ERI1: variants seen among roughly 807,000 people sequenced by gnomAD.
ERI1 encodes exoribonuclease 1.
A neutral mutation model predicts 39.7 loss-of-function variants in ERI1; 39 were observed. The ratio of observed to expected loss-of-function variants is 0.98; its 90% CI spans 0.76 to 1.28. ERI1 has a LOEUF of 1.28. Ranked by LOEUF, ERI1 falls within the 50% of genes most tolerant of loss-of-function variation. ERI1 has a pLI of 0.00. For missense variants in ERI1, 581 were observed against 416.9 expected, an observed-to-expected ratio of 1.39 and a Z score of -3.43; for synonymous variants, 204 against 149.6, an observed-to-expected ratio of 1.36 and a Z score of -2.65.
chr8:9,067,192 C>T (rs543298136), intron 3 of ERI1, among the ~76,000 whole-genome samples: 1 of 152,180 alleles, frequency 6.6e-6, no homozygotes, highest in African/African-American at 2.4e-5. Flanking sequence ...GATTTAGCTG[C>T]AGGGTACGTC....
chr8:9,017,071 A>C (rs1189150206), intron 4 of ERI1, among the ~76,000 whole-genome samples: 1 of 151,472 alleles, frequency 6.6e-6, no homozygotes, highest in Admixed American at 6.6e-5. Context: ...ATGGAGTCTC[A>C]CTCTGTTGCC....
At chr8:9,009,221 A>C (rs1427954626) in intron 2 of ERI1, 1 of 355,168 alleles carries the variant, frequency 2.8e-6, no homozygotes, top group East Asian at 7.7e-5. Flanking sequence ...GTAAATACAG[A>C]TATGTTCCCC....
rs139689897 is a variant in ERI1 at position 9,065,286 on chromosome 8, A to G, written n.299+44822A>G. Among the ~76,000 whole-genome samples the G allele has an allele frequency of 8.0e-4, 122 of 152,266 alleles. 2 individuals are homozygous for G. In the East Asian group the frequency reaches 0.022, roughly 27 times the overall value. On this transcript the variant is annotated intron_variant and non_coding_transcript_variant, in intron 3 of 3. Coordinates refer to the ERI1 transcript ENST00000518663. ...TGTTTAGTTGTTTTTGCTTCTTTCT[A>G]CGAGGTTTCTTTTGTTCTTTGAGGT...
At chr8:9,024,976 A>C (rs1011659804) in intron 6 of ERI1, among the ~76,000 whole-genome samples, 2 of 152,194 alleles carry the variant, frequency 1.3e-5, no homozygotes, top group Non-Finnish European at 2.9e-5. Context: ...TAGAAAGTTG[A>C]AAGTGCAGTG....
intron 3 of ERI1, among the ~76,000 whole-genome samples, chr8:9,059,412 G>A (rs551261341): frequency 2.0e-5 from 3 of 152,046 alleles, no homozygotes; most frequent in Non-Finnish European, 4.4e-5. Flanking sequence ...GATAACGGGC[G>A]ATGTTTCTCA....
chr8:9,099,197 A>T (rs1799973034), intron 3 of ERI1, among the ~76,000 whole-genome samples: 1 of 152,180 alleles, frequency 6.6e-6, no homozygotes, highest in African/African-American at 2.4e-5. Flanking sequence ...TATGATGAGC[A>T]TATCCATCCA....
chr8:9,047,224 G>A (rs1487174160), intron 3 of ERI1, among the ~76,000 whole-genome samples: 2 of 152,114 alleles, frequency 1.3e-5, no homozygotes, highest in Non-Finnish European at 2.9e-5. Flanking sequence ...ATCAAACAGA[G>A]ACATTCATCT....
intron 3 of ERI1, among the ~76,000 whole-genome samples, 189 bp from the exon 4 acceptor site, chr8:9,016,133 G>C (rs921660751): frequency 6.6e-6 from 1 of 152,072 alleles, no homozygotes; most frequent in Middle Eastern, 3.2e-3. Context: ...TTTAAATTAT[G>C]AATCAATTCA....
At chr8:9,067,462 C>T (rs1451224435) in intron 3 of ERI1, among the ~76,000 whole-genome samples, 1 of 150,488 alleles carries the variant, frequency 6.6e-6, no homozygotes, top group Non-Finnish European at 1.5e-5. Context: ...GTGACCTAGC[C>T]TGGGCAACAT....
At chr8:9,080,624 T>TA (rs1459154975) in intron 3 of ERI1, among the ~76,000 whole-genome samples, 1 of 152,242 alleles carries the variant, frequency 6.6e-6, no homozygotes, top group Admixed American at 6.5e-5. Flanking sequence ...TCCACCTTGC[T>TA]ATTGCCTTAT....
chr8:9,008,007 A>G lies in ERI1; in HGVS notation c.146A>G (p.Lys49Arg). 6.3e-7 allele frequency: 1 copy of G among 1,591,290 alleles called. No individual in the cohort carries two copies. The change falls in exon 2 of 7, where the codon AAA becomes AGA. Residue 49 changes from lysine to arginine, a missense_variant. Coordinates refer to ENST00000250263, the MANE Select transcript of ERI1 (RefSeq NM_153332.4). ...QQCKFDGQETKGSKFITSSAS... is the reference protein window; with the variant it reads ...QQCKFDGQETRGSKFITSSAS... The stretch of plus-strand genomic sequence containing the variant: ...TGTAAATTTGATGGCCAGGAGACAA[A>G]AGGATCCAAGTTCATTACCTCCAGT...
chr8:9,036,994 T>C (rs544633244), downstream of ERI1, among the ~76,000 whole-genome samples: 1 of 152,306 alleles, frequency 6.6e-6, no homozygotes, highest in South Asian at 2.1e-4. Context: ...GTCCAGTCAC[T>C]TTATCCTCAC....
chr8:9,033,989 A>G (rs1797753971), downstream of ERI1, among the ~76,000 whole-genome samples: 1 of 152,246 alleles, frequency 6.6e-6, no homozygotes, highest in African/African-American at 2.4e-5. Context: ...ACCAGCTGTA[A>G]GGTTTTTTCG....
chr8:9,067,576 AC>A (rs1287552261), intron 3 of ERI1, among the ~76,000 whole-genome samples: 3 of 150,668 alleles, frequency 2.0e-5, no homozygotes, highest in Non-Finnish European at 4.4e-5. Flanking sequence ...GATCGCTTGC[AC>A]CCAGGACCTC....
chr8:9,053,340 A>T (rs1798415524), intron 3 of ERI1, among the ~76,000 whole-genome samples: 1 of 152,144 alleles, frequency 6.6e-6, no homozygotes, highest in Admixed American at 6.6e-5. Context: ...TTAGCTGATC[A>T]TGCCTAAGTC....
At position 9,030,288 on chromosome 8, in the gene ERI1, T is replaced by G. The variant is rs989531996; in HGVS notation, c.*254T>G. 8.6e-6 allele frequency: 4 copies of G among 465,068 alleles called. No individual in the cohort carries two copies. Among genetic ancestry groups the G allele is most frequent in the South Asian group, 6.7e-5 (2 of 30,050 alleles). 28.8% of individuals were successfully genotyped at this position (465,068 alleles called of 1,614,324 possible). A position where few individuals can be genotyped will look rare whatever the true frequency, so the allele number is the denominator to read the frequency against. On this transcript the variant is annotated 3_prime_UTR_variant, in exon 7 of 7. Coordinates refer to ENST00000250263, the MANE Select transcript of ERI1 (RefSeq NM_153332.4). ...AGTTCCTGCTTACAACTGAATTTTA[T>G]AATTTAAGGTGTTCAAGATATATTC...
intron 6 of ERI1, among the ~76,000 whole-genome samples, chr8:9,023,952 C>G (rs926608847): frequency 6.6e-6 from 1 of 151,928 alleles, no homozygotes; most frequent in African/African-American, 2.4e-5. Flanking sequence ...GCATGTGCCA[C>G]CACGTCTGGC....
intron 3 of ERI1, among the ~76,000 whole-genome samples, chr8:9,082,653 G>T (rs1034203106): frequency 3.3e-5 from 5 of 152,152 alleles, no homozygotes; most frequent in Non-Finnish European, 4.4e-5. Context: ...ATCTTAGAAA[G>T]TAGGCACCTG....
intron 3 of ERI1, among the ~76,000 whole-genome samples, chr8:9,085,322 C>T (rs1799491322): frequency 6.6e-6 from 1 of 152,152 alleles, no homozygotes; most frequent in South Asian, 2.1e-4. Context: ...GATTCTCCTG[C>T]TTCAGCCTCC....
Sources: allele counts gnomAD v4.1 joint callset (sites outside exome capture counted in the v4.1 genomes callset), GRCh38; gene constraint gnomAD v4.1.1; transcripts MANE v1.5; gene names NCBI Gene and HGNC (gene_info 2026-07-23, HGNC 2026-07-21).